Variants in RANBP9 observed in about 807,000 individuals in gnomAD.
RANBP9 encodes the protein RAN binding protein 9.
A neutral mutation model predicts 84.3 loss-of-function variants in RANBP9; 15 were observed. The observed-to-expected ratio is 0.18, with a 90% confidence interval of 0.12 to 0.27. The LOEUF is 0.27. RANBP9 is among the 10% of genes least tolerant of loss of function. The pLI is 1.00. For missense variants in RANBP9, 809 were observed against 912.8 expected, an observed-to-expected ratio of 0.89 and a Z score of 1.46; for synonymous variants, 392 against 349.6, an observed-to-expected ratio of 1.12 and a Z score of -1.35.
chr6:13,675,629 T>C (rs985534086), intron 2 of RANBP9, among the ~76,000 whole-genome samples: 5 of 150,658 alleles, frequency 3.3e-5, no homozygotes, highest in Non-Finnish European at 7.4e-5. Context: ...GAGATAGCAA[T>C]GAAATTTTAA....
At chr6:13,676,460 A>T (rs1003071811) in intron 2 of RANBP9, among the ~76,000 whole-genome samples, 1 of 152,142 alleles carries the variant, frequency 6.6e-6, no homozygotes, top group African/African-American at 2.4e-5. Context: ...TTCTGAGTCT[A>T]GCATTACCCT....
At chr6:13,698,412 T>C (rs765258379) in intron 1 of RANBP9, among the ~76,000 whole-genome samples, 9 of 152,238 alleles carry the variant, frequency 5.9e-5, no homozygotes, top group Non-Finnish European at 1.2e-4. Flanking sequence ...TAATAAAATT[T>C]AATTATGGTG....
At chr6:13,710,300 G>A (rs1758241108) in intron 1 of RANBP9, among the ~76,000 whole-genome samples, 3 of 152,138 alleles carry the variant, frequency 2.0e-5, no homozygotes, top group Admixed American at 1.3e-4. Flanking sequence ...TTCCAATCGG[G>A]AGGGGTAGGT....
chr6:13,710,993 C>T lies in RANBP9; in HGVS notation c.513G>A (p.Pro171=), dbSNP rs774812815. ...GGCCGATGTAGCTGAACTTGTCCTT[C>T]GGGCTCCAGGACCGAGGCAGCGGCG... The part of the protein sequence containing the change: ...QETPLPRSWS[P]KDKFSYIGLS... The change falls in exon 1 of 14, where the codon CCG becomes CCA. Residue 171 remains proline, a synonymous_variant. Coordinates refer to ENST00000011619, the MANE Select transcript of RANBP9 (RefSeq NM_005493.3). The T allele has an allele frequency of 2.2e-5, 35 of 1,609,590 alleles. No homozygotes were observed. In the East Asian group the frequency reaches 7.6e-4, roughly 35 times the overall value.
chr6:13,622,901 T>C (rs146051705), intron 13 of RANBP9, among the ~76,000 whole-genome samples: 3 of 152,320 alleles, frequency 2.0e-5, no homozygotes, highest in African/African-American at 7.2e-5. Flanking sequence ...AAGTTTCCAC[T>C]GATGGGTTCT....
chr6:13,625,581 G>T, intron 13 of RANBP9, 72 bp downstream of exon 13: 1 of 998,654 alleles, frequency 1.0e-6, no homozygotes, highest in Non-Finnish European at 1.6e-6. Flanking sequence ...AAGTGTAAAT[G>T]CCAGTACAAA....
intron 1 of RANBP9, among the ~76,000 whole-genome samples, chr6:13,709,100 A>G (rs914717158): frequency 3.3e-5 from 5 of 152,268 alleles, no homozygotes; most frequent in African/African-American, 1.2e-4. Flanking sequence ...TGTCAGAAAT[A>G]TTCCAAACTC....
chr6:13,682,773 T>G (rs527865251), intron 2 of RANBP9, among the ~76,000 whole-genome samples: 7 of 152,220 alleles, frequency 4.6e-5, no homozygotes, highest in African/African-American at 1.7e-4. Flanking sequence ...CAAATAAATA[T>G]GTAAATATCA....
At chr6:13,658,897 C>A in intron 2 of RANBP9, 65 bp from the exon 3 acceptor site, 1 of 1,410,964 alleles carries the variant, frequency 7.1e-7, no homozygotes, top group South Asian at 1.2e-5. Flanking sequence ...TATAAATTAC[C>A]AAACAGTCTC....
chr6:13,685,282 CTT>C (rs1243711173), intron 2 of RANBP9, among the ~76,000 whole-genome samples: 4 of 152,154 alleles, frequency 2.6e-5, no homozygotes, highest in Admixed American at 6.5e-5. Flanking sequence ...CCTTAATAAA[CTT>C]AGACTATGCC....
At chr6:13,646,730 G>A (rs1010068098) in intron 5 of RANBP9, among the ~76,000 whole-genome samples, 8 of 151,766 alleles carry the variant, frequency 5.3e-5, no homozygotes, top group South Asian at 2.1e-4. Flanking sequence ...TGCCACAAAT[G>A]GCAAAGACAA....
intron 1 of RANBP9, among the ~76,000 whole-genome samples, chr6:13,699,067 T>C (rs1757908236): frequency 6.6e-6 from 1 of 152,172 alleles, no homozygotes; most frequent in Admixed American, 6.5e-5. Flanking sequence ...TAGGTATTAT[T>C]TAACCTCACT....
chr6:13,653,956 A>G (rs943548691), intron 4 of RANBP9, among the ~76,000 whole-genome samples: 1 of 152,106 alleles, frequency 6.6e-6, no homozygotes, highest in African/African-American at 2.4e-5. Flanking sequence ...AAAAGTAAAA[A>G]GAATACAGAA....
chr6:13,707,360 C>A (rs143899179), intron 1 of RANBP9, among the ~76,000 whole-genome samples: 1 of 152,312 alleles, frequency 6.6e-6, no homozygotes, highest in Admixed American at 6.5e-5. Flanking sequence ...CCAACTTTGA[C>A]TTACCTTGGA....
chr6:13,644,454 G>A (rs997025198), intron 6 of RANBP9, 91 bp downstream of exon 6: 7 of 1,297,294 alleles, frequency 5.4e-6, no homozygotes, highest in Non-Finnish European at 7.5e-6. Context: ...ATAAATTAGT[G>A]GATTAAAAAG....
chr6:13,706,807 G>T (rs1758136303), intron 1 of RANBP9, among the ~76,000 whole-genome samples: 1 of 151,744 alleles, frequency 6.6e-6, no homozygotes, highest in Admixed American at 6.6e-5. Flanking sequence ...TTCAAGACCA[G>T]CCTGGCCAAC....
At chr6:13,659,421 A>G (rs911065258) in intron 2 of RANBP9, among the ~76,000 whole-genome samples, 2 of 152,168 alleles carry the variant, frequency 1.3e-5, no homozygotes, top group Admixed American at 1.3e-4. Context: ...AAATCTACCT[A>G]AACAGAGGGT....
chr6:13,644,670 A>G lies in RANBP9; in HGVS notation c.987T>C (p.Phe329=). The change falls in exon 6 of 14, where the codon TTT becomes TTC. Residue 329 remains phenylalanine, a synonymous_variant. Transcript: ENST00000011619. Reference sequence around the variant, plus strand: ...TATCAAACACGAAAGGATGTTGCCCAAAATTGGCATCGACCACTTCTCCTG... The same window carrying G: ...TATCAAACACGAAAGGATGTTGCCCGAAATTGGCATCGACCACTTCTCCTG... ...QTPGEVVDAN[F]GQHPFVFDIE... is the part of the protein sequence containing the mutation. 1 of 1,613,190 alleles carries G rather than the reference A, an allele frequency of 6.2e-7. No individual in the cohort carries two copies. The highest frequency in any genetic ancestry group is 8.5e-7 in the Non-Finnish European group (1 of 1,179,542).
chr6:13,679,287 A>T (rs888111572), intron 2 of RANBP9, among the ~76,000 whole-genome samples: 1 of 152,234 alleles, frequency 6.6e-6, no homozygotes, highest in Non-Finnish European at 1.5e-5. Flanking sequence ...ATATAAATAT[A>T]CAATACCTAA....
Sources: allele counts gnomAD v4.1 joint callset (sites outside exome capture counted in the v4.1 genomes callset), GRCh38; gene constraint gnomAD v4.1.1; transcripts MANE v1.5; gene names NCBI Gene and HGNC (gene_info 2026-07-23, HGNC 2026-07-21).